The following ABCC8 variants were observed in gnomAD, a reference collection of about 807,000 sequenced individuals.
The protein encoded by ABCC8 is ATP-binding cassette sub-family C member 8.
A neutral mutation model predicts 188.0 loss-of-function variants in ABCC8; 137 were observed. The observed-to-expected ratio is 0.73, with a 90% CI of 0.63 to 0.84. ABCC8 has a LOEUF of 0.84. Ranked by LOEUF, ABCC8 falls within the 40% of genes least tolerant of loss-of-function variation. The pLI is 0.00. For synonymous variants in ABCC8, 797 were observed against 846.5 expected (o/e 0.94, Z 1.01); for missense variants, 1,750 against 2,072.7 (o/e 0.84, Z 3.02).
At chr11:17,438,633 C>T (rs1425638963) in intron 10 of ABCC8, among the ~76,000 whole-genome samples, 1 of 152,120 alleles carries the variant, frequency 6.6e-6, no homozygotes, top group Non-Finnish European at 1.5e-5. Flanking sequence ...ATGCTGCTTC[C>T]ACAAGGAAAA....
At chr11:17,440,326 G>GT (rs1956266676) in intron 10 of ABCC8, among the ~76,000 whole-genome samples, 1 of 152,158 alleles carries the variant, frequency 6.6e-6, no homozygotes, top group Admixed American at 6.5e-5. Context: ...GTACAAAACT[G>GT]GGGGGCTATA....
chr11:17,446,301 CA>C (rs1395435623), intron 8 of ABCC8, among the ~76,000 whole-genome samples: 1 of 152,106 alleles, frequency 6.6e-6, no homozygotes, highest in African/African-American at 2.4e-5. Context: ...CAAGGGGACA[CA>C]ACAGAAAGTG....
chr11:17,476,734 A>T lies in ABCC8; in HGVS notation c.43T>A (p.Tyr15Asn). ...TTGAGGACCCCCTGGTCCACCCGGT[A>T]GGCGGCCGAGTGGTTCTCGCTGCCG... ...FCGSENHSAA[Y>N]RVDQGVLNNG... The change falls in exon 1 of 39, where the codon TAC (tyrosine) becomes AAC (asparagine). Residue 15 changes from tyrosine to asparagine, a missense_variant. Physicochemically the swap from Tyr to Asn is moderately radical, Grantham distance 143. Transcript: ENST00000389817. 6.2e-7 allele frequency: 1 copy of T among 1,603,470 alleles called. No individual in the cohort carries two copies. Among genetic ancestry groups the T allele is most frequent in the Non-Finnish European group, 8.5e-7 (1 of 1,175,294 alleles).
chr11:17,452,559 C>T (rs561347374), intron 7 of ABCC8, among the ~76,000 whole-genome samples: 6 of 152,248 alleles, frequency 3.9e-5, no homozygotes, highest in East Asian at 1.9e-4. Context: ...CTAATGTAGC[C>T]GCTGATCTGA....
chr11:17,401,065 G>T (rs1290503095), intron 29 of ABCC8, among the ~76,000 whole-genome samples: 1 of 152,208 alleles, frequency 6.6e-6, no homozygotes, highest in Non-Finnish European at 1.5e-5. Flanking sequence ...GGCCTGATCT[G>T]AGGCTGTTTA....
chr11:17,435,780 G>T, intron 10 of ABCC8: 1 of 1,329,066 alleles, frequency 7.5e-7, no homozygotes, highest in Non-Finnish European at 1.1e-6. Flanking sequence ...CCCACATCAA[G>T]TGTCAGACCC....
rs1375939796 is a variant in ABCC8, at chr11:17,407,374, T to C, written c.2900A>G (p.Gln967Arg). 4 of 1,614,112 alleles carry C rather than the reference T, an allele frequency of 2.5e-6. No homozygotes were observed. The highest frequency in any genetic ancestry group is 2.7e-5 in the African/African-American group (2 of 74,946). The part of the protein sequence containing the change: ...RAMSSRDGLL[Q>R]DEEEEEEEAA... ...TGTACCTTCCTCCTCTTCCTCATCC[T>C]GCAGAAGGCCATCCCTCGAGGACAT... The change falls in exon 24 of 39, where the codon CAG becomes CGG. Residue 967 changes from glutamine to arginine, a missense_variant. Gln to Arg is a conservative substitution (Grantham distance 43). Coordinates refer to ENST00000389817, the MANE Select transcript of ABCC8 (RefSeq NM_000352.6).
chr11:17,393,613 C>T, intron 38 of ABCC8, 84 bp downstream of exon 38: 7 of 1,595,966 alleles, frequency 4.4e-6, no homozygotes, highest in Non-Finnish European at 6.0e-6. Flanking sequence ...CCAGGCAAGC[C>T]CAGGGGCTGT....
intron 31 of ABCC8, 170 bp downstream of exon 31, chr11:17,397,514 C>T (rs1954002367): frequency 5.7e-6 from 8 of 1,404,174 alleles, no homozygotes; most frequent in Non-Finnish European, 7.8e-6. Context: ...CTGTCTGGGG[C>T]CTGGGCCCTG....
intron 23 of ABCC8, 97 bp downstream of exon 23, chr11:17,408,295 C>T: frequency 8.1e-7 from 1 of 1,241,860 alleles, no homozygotes. Flanking sequence ...AGGGGGCTTC[C>T]TGGGGCACTA....
At chr11:17,407,176 C>T in intron 24 of ABCC8, 47 bp from the exon 25 acceptor site, 1 of 1,600,260 alleles carries the variant, frequency 6.2e-7, no homozygotes, top group Non-Finnish European at 8.5e-7. Flanking sequence ...TTCCATCCCT[C>T]TGAGGGTGAA....
Position 17,427,063 on chromosome 11 carries a change from A to C in ABCC8, c.2208T>G (p.Ala736=). Reference sequence around the variant, plus strand: ...ACATGTATTACCTGCTCCAGAAGACAGCCCCTGAGACCTTCTGCATCTCCC... The same window carrying C: ...ACATGTATTACCTGCTCCAGAAGACCGCCCCTGAGACCTTCTGCATCTCCC... ...ALGEMQKVSG[A]VFWSSLPDSE... Residue 736 remains alanine, a synonymous_variant, in exon 16 of 39, where the codon GCT becomes GCG. Coordinates refer to ENST00000389817, the MANE Select transcript of ABCC8 (RefSeq NM_000352.6). The surrounding 1 kb of genome is among the most constrained non-coding windows in gnomAD (Gnocchi z 5.0). 2.5e-6 allele frequency: 4 copies of C among 1,613,962 alleles called. No homozygotes were observed. Among genetic ancestry groups the C allele is most frequent in the Non-Finnish European group, 3.4e-6 (4 of 1,179,944 alleles).
chr11:17,408,413 T>A lies in ABCC8; in HGVS notation c.2799A>T (p.Arg933=). ...CCACCTTCTCCAGCTCTTGGTCCTG[T>A]CGGTTCATGAGGGTCTTCCAGTGCT... ...LFEHWKTLMN[R]QDQELEKETV... Residue 933 remains arginine, a synonymous_variant, in exon 23 of 39, where the codon CGA becomes CGT. Coordinates refer to ENST00000389817, the MANE Select transcript of ABCC8 (RefSeq NM_000352.6). 1 of 1,613,598 alleles carries A rather than the reference T, an allele frequency of 6.2e-7. No individual in the cohort carries two copies. The highest frequency in any genetic ancestry group is 2.2e-5 in the East Asian group (1 of 44,872).
intron 29 of ABCC8, among the ~76,000 whole-genome samples, chr11:17,401,600 G>T (rs1954247211): frequency 6.6e-6 from 1 of 152,098 alleles, no homozygotes; most frequent in Non-Finnish European, 1.5e-5. Flanking sequence ...GTGTCTCATG[G>T]TTACTGTCAT....
intron 16 of ABCC8, 134 bp from the exon 17 acceptor site, chr11:17,417,096 C>T: frequency 6.5e-7 from 1 of 1,550,146 alleles, no homozygotes; most frequent in Non-Finnish European, 8.7e-7. Flanking sequence ...TCCAAATGGC[C>T]TCTGTGGGGT....
intron 38 of ABCC8, among the ~76,000 whole-genome samples, chr11:17,393,481 G>A (rs1009510344): frequency 3.9e-5 from 6 of 152,182 alleles, no homozygotes; most frequent in Non-Finnish European, 7.3e-5. Flanking sequence ...GAGAGGGGAG[G>A]TCTGAGGGAA....
chr11:17,433,955 G>A (rs567420748), intron 10 of ABCC8, among the ~76,000 whole-genome samples: 18 of 152,288 alleles, frequency 1.2e-4, no homozygotes, highest in South Asian at 6.2e-4. Context: ...AGGAAACAGC[G>A]TAAGTATTAT....
chr11:17,457,112 A>G (rs189518480), intron 6 of ABCC8, among the ~76,000 whole-genome samples: 3 of 152,216 alleles, frequency 2.0e-5, no homozygotes, highest in African/African-American at 7.2e-5. Flanking sequence ...GAAGGCAGGT[A>G]CTCTAGGCCA....
At chr11:17,418,314 G>A (rs550707388) in intron 16 of ABCC8, among the ~76,000 whole-genome samples, 3 of 152,208 alleles carry the variant, frequency 2.0e-5, no homozygotes, top group South Asian at 4.2e-4. Context: ...CAGGATGGAC[G>A]AAATCAAGGA....
Sources: allele counts gnomAD v4.1 joint callset (sites outside exome capture counted in the v4.1 genomes callset), GRCh38; gene constraint gnomAD v4.1.1; non-coding constraint Gnocchi (gnomAD v3.1); transcripts MANE v1.5; gene names NCBI Gene and HGNC (gene_info 2026-07-23, HGNC 2026-07-21).